FAM131B: variants seen among roughly 807,000 people sequenced by gnomAD.
The protein encoded by FAM131B is family with sequence similarity 131 member B, also known as protein FAM131B.
A neutral mutation model predicts 42.0 loss-of-function variants in FAM131B; 19 were observed. The ratio of observed to expected loss-of-function variants is 0.45; its 90% CI spans 0.32 to 0.66. The LOEUF is 0.66. Among genes scored for constraint, FAM131B ranks in the 30% least tolerant of loss-of-function variants. The pLI is 0.05. For synonymous variants in FAM131B, 183 were observed against 177.6 expected (o/e 1.03, Z -0.24); for missense variants, 370 against 468.4 (o/e 0.79, Z 1.94).
the FAM131B span, chr7:143,380,908 G>T: frequency 1.8e-6 from 1 of 543,560 alleles, no homozygotes; most frequent in Non-Finnish European, 2.3e-6. This position sits in a 1 kb window ranked among gnomAD's most constrained non-coding sequence, Gnocchi z 5.0. Context: ...TCGCTGGGCC[G>T]GGCCGGAGGC....
chr7:143,372,325 T>C, the FAM131B span, among the ~76,000 whole-genome samples: 2 of 152,168 alleles, frequency 1.3e-5, no homozygotes, highest in African/African-American at 4.8e-5. Flanking sequence ...CACAGGAAGT[T>C]GAGACAGATG....
chr7:143,357,062 G>A lies in FAM131B; in HGVS notation c.611-40C>T, dbSNP rs746646506. On this transcript the variant is annotated intron_variant, in intron 6 of 6. Transcript: ENST00000443739. Reference sequence around the variant, plus strand: ...ATGGAGGTCAGTGGGGCCACAGAATGTCAAGGGCAGGAATGACAGCACAGA... The same window carrying A: ...ATGGAGGTCAGTGGGGCCACAGAATATCAAGGGCAGGAATGACAGCACAGA... The A allele has an allele frequency of 2.7e-6, 4 of 1,456,654 alleles. No homozygotes were observed. The Admixed American group carries it at 6.8e-5, about 25-fold the overall frequency. 90.2% of individuals were successfully genotyped at this position (1,456,654 alleles called of 1,614,324 possible).
chr7:143,367,782 G>T, the FAM131B span, among the ~76,000 whole-genome samples: 1 of 152,154 alleles, frequency 6.6e-6, no homozygotes, highest in Non-Finnish European at 1.5e-5. Flanking sequence ...GTCCCCAGGC[G>T]CACACCTCCA....
At position 143,356,376 on chromosome 7, in the gene FAM131B, G is replaced by A. The variant is rs1803652659; in HGVS notation, c.*174C>T. ...TCCCAGGCCTGTGGGTTTCTAGAGT[G>A]TAAGCCTGGATAAAATCCCATCCTG... On this transcript the variant is annotated 3_prime_UTR_variant, in exon 7 of 7. Transcript: ENST00000443739. This position sits in a 1 kb window ranked among gnomAD's most constrained non-coding sequence, Gnocchi z 4.4. The A allele has an allele frequency of 5.0e-6, 3 of 604,770 alleles. No individual in the cohort carries two copies. Among genetic ancestry groups the A allele is most frequent in the Non-Finnish European group, 8.7e-6 (3 of 343,246 alleles). The allele number at this position is 604,770 out of a possible 1,614,324, so 37.5% of individuals were successfully genotyped here.
At chr7:143,361,908 A>T (rs1360264841) in intron 1 of FAM131B, 1 of 192,864 alleles carries the variant, frequency 5.2e-6, no homozygotes, top group Non-Finnish European at 7.7e-6. Context: ...CGAAGCCCCC[A>T]TCTCCTCCCC....
upstream of FAM131B, among the ~76,000 whole-genome samples, chr7:143,363,683 G>C (rs1193552046): frequency 6.6e-6 from 1 of 152,154 alleles, no homozygotes; most frequent in African/African-American, 2.4e-5. Flanking sequence ...AGGGCAAGGA[G>C]ACCCTTTTGT....
chr7:143,366,759 T>C (rs1241718149), upstream of FAM131B, among the ~76,000 whole-genome samples: 4 of 152,290 alleles, frequency 2.6e-5, no homozygotes, highest in East Asian at 1.9e-4. Flanking sequence ...GGTTTCACCA[T>C]GTTGACCAGG....
In FAM131B at chr7:143,359,454, TAAG is replaced by T; in HGVS notation, c.175-38_175-36del. The T allele has an allele frequency of 6.5e-7, 1 of 1,528,316 alleles. No homozygotes were observed. Among genetic ancestry groups the T allele is most frequent in the Non-Finnish European group, 9.1e-7 (1 of 1,104,118 alleles). 94.7% of individuals were successfully genotyped at this position (1,528,316 alleles called of 1,614,324 possible). On this transcript the variant is annotated intron_variant, in intron 3 of 6. Coordinates refer to ENST00000443739, the MANE Select transcript of FAM131B (RefSeq NM_001031690.3). This position sits in a 1 kb window ranked among gnomAD's most constrained non-coding sequence, Gnocchi z 5.4. ...GAATGTGGGAGGAAGGGCAGAGGAA[TAAG>T]AAGGTACGGGCGTGCTTTATACATG...
At chr7:143,377,186 G>A in the FAM131B span, among the ~76,000 whole-genome samples, 1 of 152,182 alleles carries the variant, frequency 6.6e-6, no homozygotes, top group Admixed American at 6.5e-5. Flanking sequence ...TTGAACTCCC[G>A]GCCTCAAGTG....
rs375300100 is a variant in FAM131B at position 143,358,914 on chromosome 7, G to T, written c.379C>A (p.Pro127Thr). ...QGWGKTPAVQ[P>T]QHSHESVRRD... ...CGCACGGACTCATGGCTGTGTTGTG[G>T]CTGAACAGCTGGTGTCTTCCCCCAG... The change falls in exon 5 of 7, where the codon CCA becomes ACA. Residue 127 changes from proline to threonine, a missense_variant. By Grantham distance (38) the Pro-to-Thr change is conservative. Coordinates refer to ENST00000443739, the MANE Select transcript of FAM131B (RefSeq NM_001031690.3). This position sits in a 1 kb window ranked among gnomAD's most constrained non-coding sequence, Gnocchi z 4.7. 2 of 1,614,042 alleles carry T rather than the reference G, an allele frequency of 1.2e-6. No individual in the cohort carries two copies. The highest frequency in any genetic ancestry group is 1.7e-6 in the Non-Finnish European group (2 of 1,180,000).
At chr7:143,379,991 A>T in the FAM131B span, 1 of 876,746 alleles carries the variant, frequency 1.1e-6, no homozygotes, top group Non-Finnish European at 1.4e-6. Flanking sequence ...TTTTGGGGTT[A>T]GTCCTCGGAT....
At chr7:143,381,698 G>T in the FAM131B span, 1 of 1,606,158 alleles carries the variant, frequency 6.2e-7, no homozygotes, top group East Asian at 2.3e-5. Flanking sequence ...CCGGCCCGGG[G>T]ACAGCGAGCC....
chr7:143,360,219 G>T, intron 1 of FAM131B, 70 bp from the exon 2 acceptor site: 2 of 1,547,372 alleles, frequency 1.3e-6, no homozygotes. Flanking sequence ...CCTGGGGCCA[G>T]CCCTTCACAC....
At chr7:143,375,711 T>G in the FAM131B span, among the ~76,000 whole-genome samples, 7 of 152,188 alleles carry the variant, frequency 4.6e-5, no homozygotes, top group Non-Finnish European at 1.0e-4. Context: ...TCTACCTACA[T>G]TCAACCTCCA....
At chr7:143,367,771 A>G in the FAM131B span, among the ~76,000 whole-genome samples, 3 of 152,196 alleles carry the variant, frequency 2.0e-5, no homozygotes, top group Non-Finnish European at 4.4e-5. Flanking sequence ...TCCTTAGTGT[A>G]GTCCCCAGGC....
chr7:143,380,205 G>A, the FAM131B span: 40 of 983,138 alleles, frequency 4.1e-5, no homozygotes, highest in South Asian at 1.5e-3. The surrounding 1 kb of genome is among the most constrained non-coding windows in gnomAD (Gnocchi z 5.0). Flanking sequence ...AACTGGGGCC[G>A]AGATTGGGGA....
upstream of FAM131B, among the ~76,000 whole-genome samples, chr7:143,365,450 A>G (rs1342650198): frequency 6.6e-6 from 1 of 152,234 alleles, no homozygotes; most frequent in Non-Finnish European, 1.5e-5. Context: ...GATTTAAAGA[A>G]TAGAGTTTTC....
chr7:143,362,123 G>T lies in FAM131B; in HGVS notation c.28+453C>A. On this transcript the variant is annotated intron_variant, in intron 1 of 6. Transcript: ENST00000443739. The surrounding 1 kb of genome is among the most constrained non-coding windows in gnomAD (Gnocchi z 7.7). ...CCAGATGGAGGCGGCGGCGGGGGGTGGCGTGGGGGGCGTGCGAAAGAAACT... is the reference window on the plus strand; with the variant it reads ...CCAGATGGAGGCGGCGGCGGGGGGTTGCGTGGGGGGCGTGCGAAAGAAACT... 1 of 767,166 alleles carries T rather than the reference G, an allele frequency of 1.3e-6. No homozygotes were observed. Among genetic ancestry groups the T allele is most frequent in the Non-Finnish European group, 1.6e-6 (1 of 629,636 alleles). 47.5% of individuals were successfully genotyped at this position (767,166 alleles called of 1,614,324 possible).
the FAM131B span, chr7:143,381,167 G>C: frequency 2.0e-6 from 2 of 987,356 alleles, no homozygotes; most frequent in Non-Finnish European, 2.4e-6. Context: ...GGCAGGATCA[G>C]GGCCCCTTCC....
Sources: allele counts gnomAD v4.1 joint callset (sites outside exome capture counted in the v4.1 genomes callset), GRCh38; gene constraint gnomAD v4.1.1; non-coding constraint Gnocchi (gnomAD v3.1); transcripts MANE v1.5; gene names NCBI Gene and HGNC (gene_info 2026-07-23, HGNC 2026-07-21).